The following PXDN variants were observed in gnomAD, a reference collection of about 807,000 sequenced individuals.
PXDN encodes the protein peroxidasin.
Under a neutral mutation model 140.3 loss-of-function variants are expected in PXDN, and 77 were observed. The observed-to-expected ratio is 0.55, with a 90% CI of 0.46 to 0.66. The LOEUF (loss-of-function observed/expected upper bound fraction) is 0.66, where lower values mean the gene tolerates loss of function less well. Among genes scored for constraint, PXDN ranks in the 30% least tolerant of loss-of-function variants. The probability of loss-of-function intolerance (pLI) is 0.00; values close to 1 mark genes in which losing one functional copy is unlikely to be tolerated. For missense variants in PXDN, 1,838 were observed against 2,039.5 expected (o/e 0.90, Z 1.90); for synonymous variants, 911 against 857.4 (o/e 1.06, Z -1.09).
Position 1,631,960 on chromosome 2 carries a change from G to C in PXDN, c.*2244C>G, listed in dbSNP as rs575464040. On this transcript the variant is annotated 3_prime_UTR_variant, in exon 23 of 23. Coordinates refer to ENST00000252804, the MANE Select transcript of PXDN (RefSeq NM_012293.3). ...AAAGTGCAAACATTTCTTTGGTAAT[G>C]AACTGAATACAATGGTCATAAAAAA... 6.5e-6 allele frequency: 1 copy of C among 152,744 alleles called. No individual in the cohort carries two copies. Among genetic ancestry groups the C allele is most frequent in the African/African-American group, 2.4e-5 (1 of 41,576 alleles). The allele number at this position is 152,744 out of a possible 1,614,324, so 9.5% of individuals were successfully genotyped here.
At position 1,649,628 on chromosome 2, in the gene PXDN, C is replaced by G. The variant is rs1322508048; in HGVS notation, c.2152G>C (p.Ala718Pro). The change falls in exon 17 of 23, where the codon GCA (alanine) becomes CCA (proline). Residue 718 changes from alanine (A) to proline (P), a missense_variant. Transcript: ENST00000252804. The surrounding 1 kb of genome is among the most constrained non-coding windows in gnomAD (Gnocchi z 7.1). ...LVSPQYLNLI[A>P]NLSGCTAHRR... ...TGGGCGGTACAGCCCGACAGGTTTG[C>G]GATGAGGTTCAGGTACTGTGGAGAC... 6.2e-7 allele frequency: 1 copy of G among 1,613,830 alleles called. No homozygotes were observed. The highest frequency in any genetic ancestry group is 8.5e-7 in the Non-Finnish European group (1 of 1,179,878).
rs141943421 is a variant in PXDN at position 1,701,798 on chromosome 2, C to A, written c.201-8664G>T. On this transcript the variant is annotated intron_variant, in intron 1 of 22. Coordinates refer to ENST00000252804, the MANE Select transcript of PXDN (RefSeq NM_012293.3). Reference sequence around the variant, plus strand: ...CCTCTGGGAGGTGAGGAGGCTATGGCGGTGGTGCCCCCAGGGTGGGATGAC... The same window carrying A: ...CCTCTGGGAGGTGAGGAGGCTATGGAGGTGGTGCCCCCAGGGTGGGATGAC... Among the ~76,000 whole-genome samples, 161 of 152,230 alleles carry A rather than the reference C, an allele frequency of 1.1e-3. No individual in the cohort carries two copies. The East Asian group carries it at 0.028, about 26-fold the overall frequency.
intron 7 of PXDN, among the ~76,000 whole-genome samples, chr2:1,678,090 G>A (rs1268091394): frequency 2.6e-5 from 4 of 152,124 alleles, no homozygotes; most frequent in Admixed American, 6.5e-5. Context: ...AGGCTGGGGC[G>A]GCTCTGCCCA....
chr2:1,723,703 A>G (rs568266191), intron 1 of PXDN, among the ~76,000 whole-genome samples: 4 of 152,032 alleles, frequency 2.6e-5, no homozygotes, highest in Admixed American at 1.3e-4. Context: ...TGGATGGATG[A>G]ATGGATGGAT....
chr2:1,719,834 T>TGTGTGTG (rs1684976287), intron 1 of PXDN, among the ~76,000 whole-genome samples: 1 of 108,268 alleles, frequency 9.2e-6, no homozygotes, highest in East Asian at 3.8e-4. Context: ...CATGCGTGCA[T>TGTGTGTG]TGTGTGTGTG....
In PXDN at chr2:1,714,022, G is replaced by C. The variant is rs900503148; in HGVS notation, c.201-20888C>G. On this transcript the variant is annotated intron_variant, in intron 1 of 22. Coordinates refer to ENST00000252804, the MANE Select transcript of PXDN (RefSeq NM_012293.3). This position sits in a 1 kb window ranked among gnomAD's most constrained non-coding sequence, Gnocchi z 4.3. Reference sequence around the variant, plus strand: ...AAGTTTCATGTCACCCTGAAACATGGCCCAGCCTGGGCAACCTACGATAAT... The same window carrying C: ...AAGTTTCATGTCACCCTGAAACATGCCCCAGCCTGGGCAACCTACGATAAT... 6.6e-6 allele frequency among the ~76,000 whole-genome samples: 1 copy of C among 152,200 alleles called. No homozygotes were observed. Among genetic ancestry groups the C allele is most frequent in the Non-Finnish European group, 1.5e-5 (1 of 68,028 alleles).
intron 1 of PXDN, among the ~76,000 whole-genome samples, chr2:1,711,156 GCTCCACCAGCACCCACT>G (rs1684763835): frequency 2.3e-5 from 1 of 43,806 alleles, no homozygotes; most frequent in African/African-American, 9.4e-5. Context: ...ACCAGCACCC[GCTCCACCAGCACCCACT>G]CTCCACCAGC....
intron 1 of PXDN, 129 bp downstream of exon 1, chr2:1,744,127 G>A (rs1487970372): frequency 2.0e-6 from 2 of 1,015,062 alleles, no homozygotes; most frequent in Non-Finnish European, 2.6e-6. Context: ...TGCGTCCCAA[G>A]TCCCCAGGCC....
intron 1 of PXDN, among the ~76,000 whole-genome samples, chr2:1,740,012 G>A (rs1471128353): frequency 6.6e-6 from 1 of 152,124 alleles, no homozygotes; most frequent in African/African-American, 2.4e-5. Context: ...TCCCGCATAG[G>A]GCGGAGAGGC....
chr2:1,740,563 G>A (rs938642481), intron 1 of PXDN, among the ~76,000 whole-genome samples: 3 of 151,984 alleles, frequency 2.0e-5, no homozygotes, highest in East Asian at 1.9e-4. Context: ...AACACAGGCC[G>A]GGAGGTGGGC....
intron 1 of PXDN, among the ~76,000 whole-genome samples, chr2:1,742,322 G>A (rs1685564975): frequency 6.6e-6 from 1 of 152,218 alleles, no homozygotes; most frequent in Non-Finnish European, 1.5e-5. Flanking sequence ...TGACTCAACA[G>A]CGACATTTCG....
Position 1,675,337 on chromosome 2 carries a change from A to G in PXDN, c.849-1525T>C, listed in dbSNP as rs188154624. Among the ~76,000 whole-genome samples, 180 of 152,280 alleles carry G rather than the reference A, an allele frequency of 1.2e-3. 2 individuals carry two copies. The highest frequency in any genetic ancestry group is 4.1e-3 in the African/African-American group (169 of 41,554). On this transcript the variant is annotated intron_variant, in intron 8 of 22. Transcript: ENST00000252804. ...TAGCTCTGCCATATTTAGCTGTGAG[A>G]TTTCAACTGCGGGCATCAATTTTTT...
chr2:1,688,786 T>C (rs1262763650), intron 3 of PXDN, among the ~76,000 whole-genome samples: 1 of 150,208 alleles, frequency 6.7e-6, no homozygotes, highest in African/African-American at 2.4e-5. Flanking sequence ...TATGCCTGGG[T>C]TTCACCTACT....
At position 1,648,903 on chromosome 2, in the gene PXDN, G is replaced by A. The variant is rs1353747611; in HGVS notation, c.2877C>T (p.Cys959=). ...TGGGGCTCTCGTTCTCGTCCCGCATGCACTCCGTGGGCGGCCCGGTGGCGA... is the reference window on the plus strand; with the variant it reads ...TGGGGCTCTCGTTCTCGTCCCGCATACACTCCGTGGGCGGCCCGGTGGCGA... The part of the protein sequence containing the change: ...LPFATGPPTE[C]MRDENESPIP... Residue 959 remains cysteine (C), a synonymous_variant, in exon 17 of 23, where the codon TGC becomes TGT. Coordinates refer to ENST00000252804, the MANE Select transcript of PXDN (RefSeq NM_012293.3). This position sits in a 1 kb window ranked among gnomAD's most constrained non-coding sequence, Gnocchi z 8.9. 4 of 1,601,942 alleles carry A rather than the reference G, an allele frequency of 2.5e-6. No individual in the cohort carries two copies. The African/African-American group carries it at 4.0e-5, about 16-fold the overall frequency.
intron 1 of PXDN, among the ~76,000 whole-genome samples, chr2:1,741,601 G>C (rs1005588300): frequency 1.3e-5 from 2 of 152,134 alleles, no homozygotes; most frequent in African/African-American, 4.8e-5. Flanking sequence ...GAGCATTTGA[G>C]GGGAAGGAGC....
Position 1,744,385 on chromosome 2 carries a change from G to A in PXDN, c.71C>T (p.Thr24Met). Residue 24 changes from threonine (T) to methionine (M), a missense_variant, in exon 1 of 23, where the codon ACG becomes ATG. Around this residue, in one of 5 missense-constraint regions of PXDN, gnomAD observed 231 missense variants for 201.5 expected, o/e 1.15. Transcript: ENST00000252804. ...LALVLFCAWG[T>M]LAVVAQKPGA... Reference sequence around the variant, plus strand: ...CGGCTTCTGGGCCACCACGGCCAGCGTCCCCCAGGCGCAGAACAGCACGAG... The same window carrying A: ...CGGCTTCTGGGCCACCACGGCCAGCATCCCCCAGGCGCAGAACAGCACGAG... 2.0e-6 allele frequency: 3 copies of A among 1,526,334 alleles called. No individual in the cohort carries two copies. The highest frequency in any genetic ancestry group is 1.4e-5 in the African/African-American group (1 of 71,486). 94.5% of individuals were successfully genotyped at this position (1,526,334 alleles called of 1,614,324 possible). A position where few individuals can be genotyped will look rare whatever the true frequency, so the allele number is the denominator to read the frequency against.
At chr2:1,661,117 G>A in intron 13 of PXDN, 80 bp from the exon 14 acceptor site, 1 of 1,531,064 alleles carries the variant, frequency 6.5e-7, no homozygotes, top group Non-Finnish European at 8.9e-7. Context: ...TGGGGGAGGG[G>A]AGCCATTTGT....
chr2:1,661,225 C>T (rs571274797), intron 13 of PXDN, among the ~76,000 whole-genome samples, 188 bp from the exon 14 acceptor site: 5 of 152,294 alleles, frequency 3.3e-5, no homozygotes, highest in East Asian at 1.9e-4. Flanking sequence ...GCCAAGCTGG[C>T]GAGATAAACT....
chr2:1,681,528 C>T (rs905939581), intron 6 of PXDN, among the ~76,000 whole-genome samples: 2 of 151,292 alleles, frequency 1.3e-5, no homozygotes, highest in African/African-American at 4.9e-5. Flanking sequence ...AGGGCGGCAG[C>T]GTGAGGGCAT....
Sources: gnomAD v4.1 joint callset for allele counts (sites outside exome capture counted in the v4.1 genomes callset) on GRCh38, gnomAD v4.1.1 for gene constraint, gnomAD v4.1.1 regional missense constraint, Gnocchi (gnomAD v3.1) non-coding constraint, MANE v1.5 for transcripts, NCBI Gene and HGNC (gene_info 2026-07-23, HGNC 2026-07-21) for gene names.